The following MTUS2 variants were observed in gnomAD, a reference collection of about 807,000 sequenced individuals.
MTUS2 encodes the protein microtubule associated scaffold protein 2, also known as microtubule-associated tumor suppressor candidate 2.
Under a neutral mutation model 114.1 loss-of-function variants are expected in MTUS2, and 40 were observed. The observed-to-expected ratio is 0.35, with a 90% CI of 0.27 to 0.46. The LOEUF (loss-of-function observed/expected upper bound fraction) is 0.46. MTUS2 is among the 20% of genes least tolerant of loss of function. The pLI is 1.00. For synonymous variants in MTUS2, 688 were observed against 672.0 expected (o/e 1.02, Z -0.37); for missense variants, 1,679 against 1,705.4 (o/e 0.98, Z 0.27).
intron 15 of MTUS2, 108 bp downstream of exon 15, chr13:29,501,302 T>C: frequency 1.2e-6 from 1 of 817,564 alleles, no homozygotes; most frequent in Non-Finnish European, 2.0e-6. Context: ...CCACAGTCTC[T>C]TGCTGTTTTC....
intron 2 of MTUS2, among the ~76,000 whole-genome samples, chr13:28,854,014 T>G (rs1056653326): frequency 1.4e-4 from 22 of 152,230 alleles, no homozygotes; most frequent in African/African-American, 5.3e-4. Flanking sequence ...GGATGCATGC[T>G]CAAAGCTTCT....
chr13:28,960,129 C>CA (rs1008870759), intron 2 of MTUS2, among the ~76,000 whole-genome samples: 2 of 151,962 alleles, frequency 1.3e-5, no homozygotes, highest in East Asian at 1.9e-4. Context: ...CAATAACACA[C>CA]AAAAAAATGC....
intron 2 of MTUS2, among the ~76,000 whole-genome samples, chr13:28,884,875 T>C (rs114810091): frequency 2.0e-3 from 310 of 152,318 alleles, no homozygotes; most frequent in African/African-American, 7.2e-3. Flanking sequence ...ATTTTCCTGG[T>C]ATACAGGAAA....
chr13:28,918,512 TA>T (rs1317877083), intron 2 of MTUS2, among the ~76,000 whole-genome samples: 2 of 152,132 alleles, frequency 1.3e-5, no homozygotes, highest in African/African-American at 2.4e-5. Flanking sequence ...GGACATGGGA[TA>T]TTTTTTTCCA....
intron 1 of MTUS2, among the ~76,000 whole-genome samples, chr13:28,831,251 C>G (rs184605448): frequency 6.6e-6 from 1 of 152,030 alleles, no homozygotes; most frequent in Non-Finnish European, 1.5e-5. Context: ...AGACGTAACA[C>G]AACAAATAGC....
chr13:28,917,125 G>A (rs1880788902), intron 2 of MTUS2, among the ~76,000 whole-genome samples: 1 of 151,876 alleles, frequency 6.6e-6, no homozygotes, highest in South Asian at 2.1e-4. Context: ...ACCTGGTCAT[G>A]ATGATGATCT....
At chr13:29,293,052 G>C (rs559515270) in intron 6 of MTUS2, among the ~76,000 whole-genome samples, 1 of 152,024 alleles carries the variant, frequency 6.6e-6, no homozygotes, top group East Asian at 1.9e-4. Context: ...TAAAATGTGG[G>C]GATATGGAAA....
At chr13:29,415,863 G>T (rs1698993512) in intron 8 of MTUS2, among the ~76,000 whole-genome samples, 1 of 151,890 alleles carries the variant, frequency 6.6e-6, no homozygotes, top group Non-Finnish European at 1.5e-5. Context: ...GCACCTTTTT[G>T]AATGTCCATT....
At chr13:28,991,754 ACTT>A (rs1452663202) in intron 2 of MTUS2, among the ~76,000 whole-genome samples, 1 of 151,996 alleles carries the variant, frequency 6.6e-6, no homozygotes, top group Non-Finnish European at 1.5e-5. Context: ...AAACCTGGCT[ACTT>A]CTTATCCTTT....
chr13:28,931,410 T>C (rs1008382065), intron 2 of MTUS2, among the ~76,000 whole-genome samples: 2 of 152,174 alleles, frequency 1.3e-5, no homozygotes, highest in African/African-American at 4.8e-5. Flanking sequence ...CATGTTGTTC[T>C]TGTGTGAGTG....
chr13:29,183,898 T>C (rs936673871), intron 5 of MTUS2, among the ~76,000 whole-genome samples: 2 of 152,230 alleles, frequency 1.3e-5, no homozygotes, highest in Non-Finnish European at 2.9e-5. Context: ...TAAAGGAAGA[T>C]AGGGTCTTTT....
At chr13:28,913,840 C>CCTGGATTTA in intron 2 of MTUS2, among the ~76,000 whole-genome samples, 1 of 151,906 alleles carries the variant, frequency 6.6e-6, no homozygotes, top group South Asian at 2.1e-4. Flanking sequence ...TTGATTCAGT[C>CCTGGATTTA]TTGTGAGGGT....
At chr13:29,267,598 C>G (rs1409445119) in intron 5 of MTUS2, among the ~76,000 whole-genome samples, 2 of 152,178 alleles carry the variant, frequency 1.3e-5, no homozygotes, top group African/African-American at 4.8e-5. Flanking sequence ...TTTGAAAGTT[C>G]ACCAGGTTGT....
chr13:28,971,004 T>A (rs1416271709), intron 2 of MTUS2, among the ~76,000 whole-genome samples: 3 of 152,206 alleles, frequency 2.0e-5, no homozygotes, highest in Non-Finnish European at 4.4e-5. Context: ...GTAAAAGCAG[T>A]ACTCGATAGT....
chr13:28,873,800 A>G (rs1008486632), intron 2 of MTUS2, among the ~76,000 whole-genome samples: 5 of 152,202 alleles, frequency 3.3e-5, no homozygotes, highest in African/African-American at 1.2e-4. Flanking sequence ...AATAGACAAT[A>G]ATTTGGAAAT....
chr13:29,435,530 G>C (rs1323947165), intron 8 of MTUS2, among the ~76,000 whole-genome samples: 2 of 152,150 alleles, frequency 1.3e-5, no homozygotes, highest in Non-Finnish European at 2.9e-5. Flanking sequence ...GTGTTCAACA[G>C]AACCTAAGGG....
chr13:29,477,221 T>G (rs577582239), intron 9 of MTUS2, among the ~76,000 whole-genome samples: 2 of 152,334 alleles, frequency 1.3e-5, no homozygotes, highest in East Asian at 3.9e-4. Context: ...TTTGACTTTG[T>G]GTCAATCTGT....
chr13:28,848,587 T>G (rs1464195635), intron 2 of MTUS2, among the ~76,000 whole-genome samples: 3 of 151,970 alleles, frequency 2.0e-5, no homozygotes, highest in African/African-American at 7.3e-5. Flanking sequence ...TCAGAAGTAT[T>G]TTCAGTAACA....
At chr13:29,031,373 A>T (rs1469746246) in intron 3 of MTUS2, among the ~76,000 whole-genome samples, 1 of 152,016 alleles carries the variant, frequency 6.6e-6, no homozygotes, top group Non-Finnish European at 1.5e-5. Context: ...ACAGATATAG[A>T]TGTATATATA....
Sources: allele counts gnomAD v4.1 joint callset (sites outside exome capture counted in the v4.1 genomes callset), GRCh38; gene constraint gnomAD v4.1.1; transcripts MANE v1.5; gene names NCBI Gene and HGNC (gene_info 2026-07-23, HGNC 2026-07-21).